IPO11: variants seen among roughly 807,000 people sequenced by gnomAD.
The protein encoded by IPO11 is importin-11.
IPO11 carries 66 observed loss-of-function variants against 143.2 expected under a neutral mutation model. That is an observed-to-expected ratio of 0.46 (90% CI 0.38 to 0.57). The LOEUF (loss-of-function observed/expected upper bound fraction) is 0.57. IPO11 is among the 20% of genes least tolerant of loss of function. IPO11 has a pLI of 0.00. For synonymous variants in IPO11, 385 were observed against 377.8 expected, an observed-to-expected ratio of 1.02 and a Z score of -0.22; for missense variants, 1,026 against 1,141.0, an observed-to-expected ratio of 0.90 and a Z score of 1.45.
rs57057274 is a variant in IPO11, at chr5:62,452,723, GGTGTGTGTGT to G, written c.516+818_516+827del. On this transcript the variant is annotated intron_variant, in intron 5 of 29. Coordinates refer to ENST00000325324, the MANE Select transcript of IPO11 (RefSeq NM_016338.5). ...CAGGGTTTTGTTCTGTTTTTGGTGG[GGTGTGTGTGT>G]GTGTGTGTGTGTGTGTGTGTGTGTG... 2.6e-3 allele frequency among the ~76,000 whole-genome samples: 352 copies of G among 135,430 alleles called. 12 individuals carry two copies. The highest frequency in any genetic ancestry group is 0.011 in the South Asian group (48 of 4,188). The allele number at this position is 135,430 out of a possible 152,430, so 88.8% of individuals were successfully genotyped here. A position where few individuals can be genotyped will look rare whatever the true frequency, so the allele number is the denominator to read the frequency against.
At chr5:62,561,406 T>C (rs1580326500) in intron 27 of IPO11, 149 bp downstream of exon 27, 1 of 382,332 alleles carries the variant, frequency 2.6e-6, no homozygotes, top group Admixed American at 5.0e-5. Context: ...ATGTGGTAAA[T>C]GTTGGTCTGG....
At chr5:62,621,897 A>G (rs1261103644) in intron 29 of IPO11, among the ~76,000 whole-genome samples, 1 of 152,250 alleles carries the variant, frequency 6.6e-6, no homozygotes, top group South Asian at 2.1e-4. Context: ...AAAGTCATCA[A>G]CATTTCCTAG....
intron 29 of IPO11, among the ~76,000 whole-genome samples, chr5:62,613,942 T>C (rs571939327): frequency 6.6e-6 from 1 of 152,298 alleles, no homozygotes; most frequent in Admixed American, 6.5e-5. Context: ...CTTCAAGTCT[T>C]CCCTGTGTAT....
At chr5:62,478,694 CT>C (rs1156500145) in intron 9 of IPO11, among the ~76,000 whole-genome samples, 1 of 152,108 alleles carries the variant, frequency 6.6e-6, no homozygotes, top group Non-Finnish European at 1.5e-5. Context: ...ATTTTCTGTA[CT>C]TTTTCATGTT....
intron 1 of IPO11, among the ~76,000 whole-genome samples, chr5:62,419,999 A>T (rs896852339): frequency 1.3e-5 from 2 of 152,042 alleles, no homozygotes; most frequent in Non-Finnish European, 2.9e-5. Flanking sequence ...CGTAACTCTT[A>T]AAAAAAGTAG....
At chr5:62,521,509 G>A (rs576002998) in intron 20 of IPO11, among the ~76,000 whole-genome samples, 4 of 152,004 alleles carry the variant, frequency 2.6e-5, no homozygotes, top group African/African-American at 9.7e-5. Flanking sequence ...GATCATCTCT[G>A]TGTTCCTGTT....
intron 10 of IPO11, 92 bp downstream of exon 10, chr5:62,483,385 T>A: frequency 1.3e-6 from 1 of 748,804 alleles, no homozygotes; most frequent in Non-Finnish European, 2.1e-6. Context: ...AATGTCATTT[T>A]AGTCTGAAAA....
chr5:62,597,731 T>C (rs951614618), intron 28 of IPO11, among the ~76,000 whole-genome samples: 1 of 152,236 alleles, frequency 6.6e-6, no homozygotes, highest in Non-Finnish European at 1.5e-5. Flanking sequence ...GGGAGACTCA[T>C]AATATTTCTT....
chr5:62,598,411 T>C (rs1425067044), intron 28 of IPO11, among the ~76,000 whole-genome samples: 14 of 10,816 alleles, frequency 1.3e-3, no homozygotes, highest in African/African-American at 3.3e-3. Flanking sequence ...TTTCTTTCTT[T>C]CTTTCTTTCT....
chr5:62,546,303 A>G (rs1743178921), intron 24 of IPO11, among the ~76,000 whole-genome samples: 1 of 152,220 alleles, frequency 6.6e-6, no homozygotes, highest in Non-Finnish European at 1.5e-5. Flanking sequence ...TTGTAGGGAC[A>G]TGGATGAAGC....
At chr5:62,455,718 C>A (rs564657280) in intron 5 of IPO11, among the ~76,000 whole-genome samples, 1 of 151,650 alleles carries the variant, frequency 6.6e-6, no homozygotes, top group Non-Finnish European at 1.5e-5. Flanking sequence ...AATTGTTTTG[C>A]AGTAACAAAA....
At chr5:62,426,807 A>T (rs1011326308) in intron 1 of IPO11, among the ~76,000 whole-genome samples, 1 of 148,458 alleles carries the variant, frequency 6.7e-6, no homozygotes, top group Non-Finnish European at 1.5e-5. Context: ...TTTATATTTT[A>T]ATTTTTATTT....
chr5:62,541,319 C>T (rs979031722), intron 24 of IPO11, among the ~76,000 whole-genome samples: 8 of 149,938 alleles, frequency 5.3e-5, no homozygotes, highest in Non-Finnish European at 8.9e-5. Flanking sequence ...TGTGGTGAGC[C>T]GAGATGACGC....
At chr5:62,499,856 A>G (rs1033808930) in intron 16 of IPO11, among the ~76,000 whole-genome samples, 5 of 152,296 alleles carry the variant, frequency 3.3e-5, no homozygotes, top group Middle Eastern at 3.4e-3. Flanking sequence ...TAAATCAAAG[A>G]CACAAACACA....
At chr5:62,499,403 G>A (rs926395546) in intron 16 of IPO11, among the ~76,000 whole-genome samples, 62 of 152,276 alleles carry the variant, frequency 4.1e-4, no homozygotes, top group African/African-American at 1.4e-3. Context: ...TTGCAGGCTT[G>A]GATGTTGCTC....
intron 19 of IPO11, among the ~76,000 whole-genome samples, chr5:62,510,841 T>A (rs1369772028): frequency 6.6e-6 from 1 of 152,166 alleles, no homozygotes; most frequent in Non-Finnish European, 1.5e-5. Context: ...ATTCAAGTGA[T>A]TCTCCTGCCT....
intron 5 of IPO11, among the ~76,000 whole-genome samples, chr5:62,462,361 T>C (rs937008136): frequency 6.6e-6 from 1 of 152,132 alleles, no homozygotes; most frequent in African/African-American, 2.4e-5. Context: ...TGGTACTTTT[T>C]ATTCTTTGTT....
intron 20 of IPO11, among the ~76,000 whole-genome samples, chr5:62,523,179 CTG>C (rs1580281080): frequency 1.3e-5 from 2 of 152,176 alleles, no homozygotes; most frequent in Admixed American, 6.5e-5. Context: ...TCTTCTTATT[CTG>C]TCTTTGTATT....
intron 27 of IPO11, chr5:62,575,925 G>A (rs375663833): frequency 5.9e-5 from 9 of 152,054 alleles, no homozygotes; most frequent in African/African-American, 2.2e-4. Context: ...AGGAACACAA[G>A]TCCACTTTAT....
Sources: gnomAD v4.1 joint callset for allele counts (sites outside exome capture counted in the v4.1 genomes callset) on GRCh38, gnomAD v4.1.1 for gene constraint, MANE v1.5 for transcripts, NCBI Gene and HGNC (gene_info 2026-07-23, HGNC 2026-07-21) for gene names.